Variants in GPCPD1 observed in about 807,000 individuals in gnomAD.
GPCPD1 encodes glycerophosphocholine phosphodiesterase 1, also known as glycerophosphocholine phosphodiesterase GPCPD1.
A neutral mutation model predicts 89.2 loss-of-function variants in GPCPD1; 29 were observed. The observed-to-expected ratio is 0.33, with a 90% CI of 0.24 to 0.44. The LOEUF (loss-of-function observed/expected upper bound fraction) is 0.44, where lower values mean the gene tolerates loss of function less well. GPCPD1 is among the 20% of genes least tolerant of loss of function. The probability of loss-of-function intolerance (pLI) is 1.00; values close to 1 mark genes in which losing one functional copy is unlikely to be tolerated. For synonymous variants in GPCPD1, 258 were observed against 266.3 expected, an observed-to-expected ratio of 0.97 and a Z score of 0.30; for missense variants, 594 against 808.9, an observed-to-expected ratio of 0.73 and a Z score of 3.22.
rs1978309105 is a variant in GPCPD1, at chr20:5,578,567, C to T, written c.518G>A (p.Arg173Lys). Residue 173 changes from arginine to lysine, a missense_variant, in exon 8 of 20, where the codon AGG becomes AAG. By Grantham distance (26) the Arg-to-Lys change is conservative. Transcript: ENST00000379019. ...TTTGTGGAGTACAGTGGGAGATACCCTATCATCGTCATCTTCCTCCAGGCC... is the reference window on the plus strand; with the variant it reads ...TTTGTGGAGTACAGTGGGAGATACCTTATCATCGTCATCTTCCTCCAGGCC... ...LEGLEEDDDD[R>K]VSPTVLHKMS... is the part of the protein sequence containing the mutation. The T allele has an allele frequency of 6.2e-7, 1 of 1,613,384 alleles. No homozygotes were observed. The highest frequency in any genetic ancestry group is 8.5e-7 in the Non-Finnish European group (1 of 1,179,314).
At chr20:5,576,253 T>A (rs997552805) in intron 8 of GPCPD1, among the ~76,000 whole-genome samples, 1 of 151,942 alleles carries the variant, frequency 6.6e-6, no homozygotes, top group Non-Finnish European at 1.5e-5. Context: ...ACCCCGTTTC[T>A]ACTAAAAATA....
chr20:5,592,928 AATTT>A (rs1196142377), intron 4 of GPCPD1, among the ~76,000 whole-genome samples: 2 of 152,212 alleles, frequency 1.3e-5, no homozygotes, highest in Non-Finnish European at 2.9e-5. Context: ...GCTGTGAAAT[AATTT>A]TTTTAATTAC....
In GPCPD1 at chr20:5,578,617, T is replaced by C. The variant is rs1369404614; in HGVS notation, c.474-6A>G. ...CTTCTAGTGTCAGCTTCACCCTACG[T>C]AATAAACAAAATAATGAGATGCAAG... On this transcript the variant is annotated splice_polypyrimidine_tract_variant and splice_region_variant and intron_variant, in intron 7 of 19. Transcript: ENST00000379019. The C allele has an allele frequency of 5.1e-6, 8 of 1,558,942 alleles. No individual in the cohort carries two copies. The African/African-American group carries it at 9.5e-5, about 18-fold the overall frequency.
At chr20:5,589,115 G>C (rs1979144122) in intron 4 of GPCPD1, among the ~76,000 whole-genome samples, 1 of 151,982 alleles carries the variant, frequency 6.6e-6, no homozygotes, top group South Asian at 2.1e-4. Flanking sequence ...GCATATTTGA[G>C]GAACAGTCCA....
At chr20:5,566,067 G>A (rs550797237) in intron 14 of GPCPD1, among the ~76,000 whole-genome samples, 1 of 151,986 alleles carries the variant, frequency 6.6e-6, no homozygotes, top group African/African-American at 2.4e-5. Context: ...TCTGGGTGGG[G>A]ATAATCTTTG....
At chr20:5,595,629 A>G (rs1979661253) in intron 3 of GPCPD1, among the ~76,000 whole-genome samples, 1 of 151,028 alleles carries the variant, frequency 6.6e-6, no homozygotes, top group Non-Finnish European at 1.5e-5. Context: ...TGACAGAGTG[A>G]GATTCCATCT....
At chr20:5,604,774 T>TACACACACACACACAC (rs11466989) in intron 1 of GPCPD1, among the ~76,000 whole-genome samples, 3,827 of 139,076 alleles carry the variant, frequency 0.028, 107 homozygotes, top group East Asian at 0.086. Flanking sequence ...GCCTCATGTC[T>TACACACACACACACAC]ACACACACAC....
chr20:5,545,571 G>A lies in GPCPD1; in HGVS notation c.*2090C>T, dbSNP rs1600700002. The A allele has an allele frequency of 6.6e-6, 1 of 152,562 alleles. No homozygotes were observed. The highest frequency in any genetic ancestry group is 2.4e-5 in the African/African-American group (1 of 41,464). The allele number at this position is 152,562 out of a possible 1,614,324, so 9.5% of individuals were successfully genotyped here. A position where few individuals can be genotyped will look rare whatever the true frequency, so the allele number is the denominator to read the frequency against. On this transcript the variant is annotated 3_prime_UTR_variant, in exon 20 of 20. Coordinates refer to ENST00000379019, the MANE Select transcript of GPCPD1 (RefSeq NM_019593.5). ...CAGGCAGAGGACACACGGGCACAGA[G>A]AGGAAGTCCAGGGCCAATGACAGGG...
At chr20:5,562,328 G>C (rs748035285) in intron 15 of GPCPD1, among the ~76,000 whole-genome samples, 10 of 152,126 alleles carry the variant, frequency 6.6e-5, no homozygotes, top group Non-Finnish European at 1.3e-4. Flanking sequence ...TGTCACCCAG[G>C]CTGGAGCACA....
chr20:5,560,799 A>G (rs1048405578), intron 16 of GPCPD1, among the ~76,000 whole-genome samples: 1 of 152,164 alleles, frequency 6.6e-6, no homozygotes, highest in African/African-American at 2.4e-5. Flanking sequence ...TGAATTAACT[A>G]CTTTCAACAC....
intron 1 of GPCPD1, among the ~76,000 whole-genome samples, chr20:5,604,956 A>C (rs1311293894): frequency 6.6e-6 from 1 of 152,170 alleles, no homozygotes; most frequent in Non-Finnish European, 1.5e-5. Flanking sequence ...CTGTCTCGAA[A>C]AAAACAAAAC....
At chr20:5,578,145 G>A (rs1978303443) in intron 8 of GPCPD1, among the ~76,000 whole-genome samples, 1 of 152,110 alleles carries the variant, frequency 6.6e-6, no homozygotes, top group African/African-American at 2.4e-5. Context: ...TAGCATACAG[G>A]CATCAAAGAC....
Position 5,557,971 on chromosome 20 carries a change from A to G in GPCPD1, c.1803T>C (p.Leu601=). Residue 601 remains leucine, a synonymous_variant, in exon 19 of 20, where the codon CTT becomes CTC. Transcript: ENST00000379019. ...DPENRRKLKE[L]GVNGLIYDRI... ...TATCATAAATTAGACCATTAACTCC[A>G]AGTTCCTTCAATTTCCTTCTGTTTT... 1 of 1,598,210 alleles carries G rather than the reference A, an allele frequency of 6.3e-7. No homozygotes were observed.
chr20:5,579,354 T>C (rs1439945530), intron 7 of GPCPD1, among the ~76,000 whole-genome samples: 1 of 152,152 alleles, frequency 6.6e-6, no homozygotes, highest in South Asian at 2.1e-4. Flanking sequence ...ATTTCCATTA[T>C]ATCAATTTTT....
chr20:5,560,210 T>C, intron 16 of GPCPD1, 134 bp from the exon 17 acceptor site: 1 of 507,858 alleles, frequency 2.0e-6, no homozygotes, highest in Non-Finnish European at 3.5e-6. Context: ...TTATAGATGA[T>C]GAAACCTGAA....
At chr20:5,578,076 T>C (rs1459359606) in intron 8 of GPCPD1, among the ~76,000 whole-genome samples, 1 of 152,258 alleles carries the variant, frequency 6.6e-6, no homozygotes, top group Non-Finnish European at 1.5e-5. Context: ...AAGCCTGCCC[T>C]GGTCTCTATT....
At chr20:5,581,847 T>TA (rs1978520086) in intron 6 of GPCPD1, among the ~76,000 whole-genome samples, 1 of 120,834 alleles carries the variant, frequency 8.3e-6, no homozygotes, top group Non-Finnish European at 1.7e-5. Context: ...TTTTTTTTTT[T>TA]GCAGAAAAGA....
At chr20:5,548,944 CT>C in intron 19 of GPCPD1, 2 of 1,049,620 alleles carry the variant, frequency 1.9e-6, no homozygotes, top group South Asian at 1.4e-5. Flanking sequence ...TAAACATCCT[CT>C]ACAGAACAGA....
intron 4 of GPCPD1, among the ~76,000 whole-genome samples, chr20:5,587,786 C>G (rs182053613): frequency 6.6e-6 from 1 of 152,126 alleles, no homozygotes; most frequent in Admixed American, 6.5e-5. Context: ...TTAAATTTGA[C>G]GATAAGCCAA....
Sources: gnomAD v4.1 joint callset for allele counts (sites outside exome capture counted in the v4.1 genomes callset) on GRCh38, gnomAD v4.1.1 for gene constraint, MANE v1.5 for transcripts, NCBI Gene and HGNC (gene_info 2026-07-23, HGNC 2026-07-21) for gene names.